Variants in ARMC2 observed in about 807,000 individuals in gnomAD.
ARMC2 encodes the protein armadillo repeat-containing protein 2.
A neutral mutation model predicts 90.3 loss-of-function variants in ARMC2; 67 were observed. That is an observed-to-expected ratio of 0.74 (90% CI 0.61 to 0.91). The LOEUF (loss-of-function observed/expected upper bound fraction) is 0.91. Among genes scored for constraint, ARMC2 ranks in the 40% least tolerant of loss-of-function variants. The pLI, the probability that ARMC2 is intolerant of heterozygous loss-of-function variation, is 0.00. For missense variants in ARMC2, 920 were observed against 1,030.9 expected (o/e 0.89, Z 1.47); for synonymous variants, 393 against 393.0 (o/e 1.00, Z 0.00).
intron 5 of ARMC2, among the ~76,000 whole-genome samples, chr6:108,885,356 T>C (rs975299839): frequency 6.6e-6 from 1 of 152,144 alleles, no homozygotes; most frequent in African/African-American, 2.4e-5. Flanking sequence ...TCCTTTAATT[T>C]CAAGTGTTTG....
chr6:108,894,439 C>T lies in ARMC2; in HGVS notation c.672-28C>T, dbSNP rs186239570. The T allele has an allele frequency of 4.3e-5, 68 of 1,577,432 alleles. No homozygotes were observed. The East Asian group carries it at 9.1e-4, about 21-fold the overall frequency. On this transcript the variant is annotated intron_variant, in intron 5 of 17. Transcript: ENST00000392644. Reference sequence around the variant, plus strand: ...AAAATTAGAAGTGTTTTCATGTTTGCGCTGAGTGTTTTATGTATTCCTCCT... The same window carrying T: ...AAAATTAGAAGTGTTTTCATGTTTGTGCTGAGTGTTTTATGTATTCCTCCT...
chr6:108,926,561 C>G (rs997436758), intron 10 of ARMC2, among the ~76,000 whole-genome samples: 1 of 152,072 alleles, frequency 6.6e-6, no homozygotes, highest in African/African-American at 2.4e-5. Flanking sequence ...CTTGTCTTTA[C>G]TAAAAATACA....
At chr6:108,906,280 C>G (rs988829677) in intron 8 of ARMC2, among the ~76,000 whole-genome samples, 2 of 151,950 alleles carry the variant, frequency 1.3e-5, no homozygotes, top group East Asian at 3.9e-4. Flanking sequence ...AAAAATCTAG[C>G]GCCCTATGTA....
At chr6:108,914,113 ATG>A (rs1347546719) in intron 10 of ARMC2, among the ~76,000 whole-genome samples, 1 of 152,162 alleles carries the variant, frequency 6.6e-6, no homozygotes, top group Non-Finnish European at 1.5e-5. Flanking sequence ...ACATATATAA[ATG>A]TGGTTTGCTG....
At chr6:108,946,570 T>A (rs9374060) in intron 12 of ARMC2, among the ~76,000 whole-genome samples, 4,380 of 152,286 alleles carry the variant, frequency 0.029, 205 homozygotes, top group East Asian at 0.22. Context: ...TTGAGGGTGG[T>A]AAGTTGGATA....
the ARMC2 span, chr6:108,987,764 G>T: frequency 2.1e-6 from 1 of 468,944 alleles, no homozygotes; most frequent in Non-Finnish European, 3.8e-6. Flanking sequence ...CTTAGCCTTG[G>T]GTTTGTTGAA....
At chr6:108,984,362 C>T in the ARMC2 span, among the ~76,000 whole-genome samples, 396 of 152,214 alleles carry the variant, frequency 2.6e-3, 5 homozygotes, top group African/African-American at 9.0e-3. Flanking sequence ...CTGGGAAGTC[C>T]GATATCAAGG....
At chr6:108,992,941 C>G in the ARMC2 span, 1 of 1,322,606 alleles carries the variant, frequency 7.6e-7, no homozygotes, top group Admixed American at 1.7e-5. Context: ...AAATAGGATG[C>G]TAGTTAAAAT....
chr6:109,009,541 G>A, the ARMC2 span: 3 of 1,117,352 alleles, frequency 2.7e-6, no homozygotes, highest in Non-Finnish European at 3.2e-6. Context: ...CAGCGCCTCA[G>A]TCAGCACGGA....
the ARMC2 span, among the ~76,000 whole-genome samples, chr6:109,023,482 AGTGGAT>A: frequency 5.3e-5 from 8 of 152,370 alleles, no homozygotes; most frequent in African/African-American, 1.9e-4. Context: ...AAATAATGTT[AGTGGAT>A]GTGCCTATGT....
chr6:109,021,530 C>T, the ARMC2 span, among the ~76,000 whole-genome samples: 810 of 151,978 alleles, frequency 5.3e-3, 8 homozygotes, highest in African/African-American at 0.017. Context: ...CTCTGCCTCC[C>T]GGGTTCAAGC....
At chr6:109,040,136 T>C in the ARMC2 span, among the ~76,000 whole-genome samples, 16 of 152,366 alleles carry the variant, frequency 1.1e-4, no homozygotes, top group African/African-American at 3.6e-4. Context: ...GAGATTATTA[T>C]TTGAATTGCT....
intron 5 of ARMC2, among the ~76,000 whole-genome samples, chr6:108,885,684 A>C (rs1410235180): frequency 6.8e-6 from 1 of 148,000 alleles, no homozygotes; most frequent in African/African-American, 2.4e-5. Context: ...AAAAAAAAAA[A>C]GAAAAGAAAA....
At chr6:108,865,090 C>A (rs958706621) in intron 3 of ARMC2, among the ~76,000 whole-genome samples, 2 of 147,960 alleles carry the variant, frequency 1.4e-5, no homozygotes, top group South Asian at 4.3e-4. Context: ...TCAAGCAATT[C>A]TCCTGCCTCA....
At chr6:108,891,979 G>A (rs1771085061) in intron 5 of ARMC2, among the ~76,000 whole-genome samples, 1 of 152,162 alleles carries the variant, frequency 6.6e-6, no homozygotes. Context: ...CATATAAGAA[G>A]GACACTTCAT....
At chr6:108,866,536 A>T (rs1775836058) in intron 3 of ARMC2, among the ~76,000 whole-genome samples, 1 of 152,232 alleles carries the variant, frequency 6.6e-6, no homozygotes, top group Admixed American at 6.5e-5. Flanking sequence ...GGGGTGAGCA[A>T]CTTACATGGG....
rs1173637475 is a variant in ARMC2 at position 108,901,098 on chromosome 6, A to ATTTTTTT, written c.847+1337_847+1343dup. Among the ~76,000 whole-genome samples the ATTTTTTT allele has an allele frequency of 4.7e-4, 28 of 59,366 alleles. 4 individuals are homozygous for ATTTTTTT. In the East Asian group the frequency reaches 0.013, roughly 28 times the overall value. 38.9% of individuals were successfully genotyped at this position (59,366 alleles called of 152,430 possible). On this transcript the variant is annotated intron_variant, in intron 7 of 17. Coordinates refer to ENST00000392644, the MANE Select transcript of ARMC2 (RefSeq NM_032131.6). ...GAAGCCTTCCTACAGGAAAGAAGGA[A>ATTTTTTT]TTTTTTTTTTTTTTTTTTTTTTTTT...
chr6:109,027,462 G>A, the ARMC2 span, among the ~76,000 whole-genome samples: 2 of 136,954 alleles, frequency 1.5e-5, no homozygotes, highest in Admixed American at 1.5e-4. Context: ...GGGCGACAGA[G>A]GGAGACTCTG....
At chr6:109,010,705 A>G in the ARMC2 span, among the ~76,000 whole-genome samples, 2 of 152,234 alleles carry the variant, frequency 1.3e-5, no homozygotes, top group Admixed American at 6.5e-5. Context: ...AAAATAGCTA[A>G]TGCACCCAAA....
Sources: gnomAD v4.1 joint callset for allele counts (sites outside exome capture counted in the v4.1 genomes callset) on GRCh38, gnomAD v4.1.1 for gene constraint, MANE v1.5 for transcripts, NCBI Gene and HGNC (gene_info 2026-07-23, HGNC 2026-07-21) for gene names.